MRPS30: variants seen among roughly 807,000 people sequenced by gnomAD.
MRPS30 encodes large ribosomal subunit protein mL65.
Under a neutral mutation model 43.8 loss-of-function variants are expected in MRPS30, and 42 were observed. That is an observed-to-expected ratio of 0.96 (90% confidence interval 0.75 to 1.24). The LOEUF (loss-of-function observed/expected upper bound fraction) is 1.24. MRPS30 is among the 50% of genes most tolerant of loss of function. The pLI is 0.00. For synonymous variants in MRPS30, 273 were observed against 228.2 expected, an observed-to-expected ratio of 1.20 and a Z score of -1.77; for missense variants, 638 against 570.0, an observed-to-expected ratio of 1.12 and a Z score of -1.22.
chr5:44,814,900 C>T lies in MRPS30; in HGVS notation c.1031-13C>T. 6.3e-7 allele frequency: 1 copy of T among 1,584,608 alleles called. No individual in the cohort carries two copies. The highest frequency in any genetic ancestry group is 8.6e-7 in the Non-Finnish European group (1 of 1,166,478). ...ATTCTATGTGTAAATTTCAGCATAA[C>T]TTTCTTCTACAGGATTCTGGAGTGA... On this transcript the variant is annotated splice_polypyrimidine_tract_variant and intron_variant, in intron 4 of 4. Transcript: ENST00000507110.
At chr5:44,809,770 C>G in intron 1 of MRPS30, 1 of 563,842 alleles carries the variant, frequency 1.8e-6, no homozygotes, top group Non-Finnish European at 3.1e-6. Context: ...GCGCTAACAC[C>G]TACCAGCTCT....
chr5:44,809,211 C>G lies in MRPS30; in HGVS notation c.249C>G (p.Leu83=). Residue 83 remains leucine, a synonymous_variant, in exon 1 of 5, where the codon CTC becomes CTG. Transcript: ENST00000507110. ...CGGTAGACGAGAAGCTGCGAATCCT[C>G]ACCAAGATGCAGTTTATGAAGTACA... The part of the protein sequence containing the change: ...AESVDEKLRI[L]TKMQFMKYMV... 1 of 1,613,510 alleles carries G rather than the reference C, an allele frequency of 6.2e-7. No homozygotes were observed.
In MRPS30 at chr5:44,809,331, G is replaced by C; in HGVS notation, c.369G>C (p.Ala123=). The C allele has an allele frequency of 1.2e-6, 2 of 1,610,940 alleles. No individual in the cohort carries two copies. The highest frequency in any genetic ancestry group is 1.7e-6 in the Non-Finnish European group (2 of 1,178,774). The change falls in exon 1 of 5, where the codon GCG becomes GCC. Residue 123 remains alanine (A), a synonymous_variant. Transcript: ENST00000507110. ...TGTCGGGTCTGCCGCCGCCCCCAGC[G>C]GAGCCCGAGCCCGAGCCCGAACCCG... ...VFLSGLPPPP[A]EPEPEPEPEP...
Position 44,809,116 on chromosome 5 carries a change from AC to A in MRPS30, c.155del (p.Thr52LysfsTer25). 1 of 1,611,762 alleles carries A rather than the reference AC, an allele frequency of 6.2e-7. No individual in the cohort carries two copies. Among genetic ancestry groups the A allele is most frequent in the Non-Finnish European group, 8.5e-7 (1 of 1,179,470 alleles). ...ARYPPIVASM[T>X]ADSKAARLRR... ...GTACCCGCCGATTGTGGCCTCCATG[AC>A]AGCCGACAGCAAAGCTGCACGGCTG... On this transcript the variant is annotated frameshift_variant, in exon 1 of 5. Transcript: ENST00000507110. LOFTEE classifies it high-confidence loss of function.
At chr5:44,812,840 T>G (rs1742864951) in intron 3 of MRPS30, among the ~76,000 whole-genome samples, 1 of 152,106 alleles carries the variant, frequency 6.6e-6, no homozygotes, top group Admixed American at 6.5e-5. Flanking sequence ...AAATTTTAAA[T>G]AACTTGTCTA....
At chr5:44,811,790 G>A (rs994035332) in intron 2 of MRPS30, 125 bp from the exon 3 acceptor site, 32 of 596,844 alleles carry the variant, frequency 5.4e-5, no homozygotes, top group Admixed American at 4.9e-4. Flanking sequence ...CCCATCATTC[G>A]ATGATAGTAT....
At position 44,811,444 on chromosome 5, in the gene MRPS30, C is replaced by T. The variant is rs1742838106; in HGVS notation, c.747+290C>T. On this transcript the variant is annotated intron_variant, in intron 2 of 4. Transcript: ENST00000507110. ...AATATAAAAATTCTGAAATAGTTTA[C>T]GATTGTAATTTGTGATTGTAATTTA... Among the ~76,000 whole-genome samples, 3 of 152,034 alleles carry T rather than the reference C, an allele frequency of 2.0e-5. No individual in the cohort carries two copies. In the South Asian group the frequency reaches 6.2e-4, roughly 31 times the overall value.
chr5:44,811,299 A>G (rs1742836557), intron 2 of MRPS30, 145 bp downstream of exon 2: 1 of 911,118 alleles, frequency 1.1e-6, no homozygotes, highest in Admixed American at 2.8e-5. Flanking sequence ...TCACCTCTCA[A>G]AAATCTTTTT....
chr5:44,813,981 C>T (rs1433912287), intron 4 of MRPS30, among the ~76,000 whole-genome samples: 3 of 152,102 alleles, frequency 2.0e-5, no homozygotes, highest in Non-Finnish European at 4.4e-5. Context: ...TACTCTAAGA[C>T]CTGAATGGCG....
In MRPS30 at chr5:44,809,399, C is replaced by T. The variant is rs376523824; in HGVS notation, c.437C>T (p.Ala146Val). The T allele has an allele frequency of 6.2e-6, 10 of 1,610,990 alleles. No homozygotes were observed. Among genetic ancestry groups the T allele is most frequent in the East Asian group, 2.2e-5 (1 of 44,796 alleles). Residue 146 changes from alanine (A) to valine (V), a missense_variant, in exon 1 of 5, where the codon GCC becomes GTC. Ala to Val is a moderately conservative substitution (Grantham distance 64). Transcript: ENST00000507110. ...GACCTCGCGGCGCTGCGTGCGGTCGCCTGCGACTGCCTGCTGCAGGAGCAC... is the reference window on the plus strand; with the variant it reads ...GACCTCGCGGCGCTGCGTGCGGTCGTCTGCGACTGCCTGCTGCAGGAGCAC... ...ALDLAALRAV[A>V]CDCLLQEHFY...
At position 44,811,040 on chromosome 5, in the gene MRPS30, G is replaced by T; in HGVS notation, c.633G>T (p.Val211=). 1 of 1,614,044 alleles carries T rather than the reference G, an allele frequency of 6.2e-7. No individual in the cohort carries two copies. The highest frequency in any genetic ancestry group is 8.5e-7 in the Non-Finnish European group (1 of 1,179,938). ...GATGCCCAGTTCATTTTTACTGGGT[G>T]CGTGGTGAAGAAATTATTCCTCGTG... is the stretch of plus-strand genomic sequence containing the variant. ...DYRCPVHFYW[V]RGEEIIPRGH... is the part of the protein sequence containing the mutation. Residue 211 remains valine, a synonymous_variant, in exon 2 of 5, where the codon GTG becomes GTT. Transcript: ENST00000507110.
chr5:44,811,738 G>A (rs1280895028), intron 2 of MRPS30, among the ~76,000 whole-genome samples, 177 bp from the exon 3 acceptor site: 1 of 152,174 alleles, frequency 6.6e-6, no homozygotes, highest in African/African-American at 2.4e-5. Flanking sequence ...CTGTGTTCCA[G>A]TAAAACTTTA....
chr5:44,813,240 G>T lies in MRPS30; in HGVS notation c.988G>T (p.Ala330Ser), dbSNP rs149383515. 3 of 1,609,972 alleles carry T rather than the reference G, an allele frequency of 1.9e-6. No homozygotes were observed. In the African/African-American group the frequency reaches 4.0e-5, roughly 22 times the overall value. Residue 330 changes from alanine (A) to serine (S), a missense_variant, in exon 4 of 5, where the codon GCA (alanine) becomes TCA (serine). By Grantham distance (99) the Ala-to-Ser change is moderately conservative. Coordinates refer to ENST00000507110, the MANE Select transcript of MRPS30 (RefSeq NM_016640.4). ...AGTTGTTTTTAGAGCTAATGCTATTGCAAGCCTTTTTGCTTGGACTGGAGC... is the reference window on the plus strand; with the variant it reads ...AGTTGTTTTTAGAGCTAATGCTATTTCAAGCCTTTTTGCTTGGACTGGAGC... ...IEVVFRANAI[A>S]SLFAWTGAQA...
chr5:44,808,993 C>T lies in MRPS30; in HGVS notation c.31C>T (p.Leu11=). ...GGCGGCCAGGTGTTGGAGGCCTTTG[C>T]TACGCGGTCCGAGGCTTTCATTGCA... MAAARCWRPL[L]RGPRLSLHTA... Residue 11 remains leucine (L), a synonymous_variant, in exon 1 of 5, where the codon CTA becomes TTA. Coordinates refer to ENST00000507110, the MANE Select transcript of MRPS30 (RefSeq NM_016640.4). 1.2e-6 allele frequency: 2 copies of T among 1,607,570 alleles called. No homozygotes were observed. The highest frequency in any genetic ancestry group is 1.7e-6 in the Non-Finnish European group (2 of 1,177,474).
chr5:44,811,034 C>T lies in MRPS30; in HGVS notation c.627C>T (p.Tyr209=), dbSNP rs763207493. The T allele has an allele frequency of 4.3e-6, 7 of 1,613,838 alleles. No individual in the cohort carries two copies. In the South Asian group the frequency reaches 4.4e-5, roughly 10 times the overall value. Residue 209 remains tyrosine, a synonymous_variant, in exon 2 of 5, where the codon TAC becomes TAT. Transcript: ENST00000507110. ...ALDYRCPVHF[Y]WVRGEEIIPR... Reference sequence around the variant, plus strand: ...ATTATAGATGCCCAGTTCATTTTTACTGGGTGCGTGGTGAAGAAATTATTC... The same window carrying T: ...ATTATAGATGCCCAGTTCATTTTTATTGGGTGCGTGGTGAAGAAATTATTC...
At position 44,809,459 on chromosome 5, in the gene MRPS30, AC is replaced by A; in HGVS notation, c.498del (p.Tyr166Ter). 1.9e-6 allele frequency: 3 copies of A among 1,613,894 alleles called. No homozygotes were observed. Among genetic ancestry groups the A allele is most frequent in the Non-Finnish European group, 2.5e-6 (3 of 1,179,998 alleles). On this transcript the variant is annotated frameshift_variant, in exon 1 of 5. Coordinates refer to ENST00000507110, the MANE Select transcript of MRPS30 (RefSeq NM_016640.4). LOFTEE classifies it high-confidence loss of function. ...CGGCGCAGGCGGCGCGTGCACCGTTACGAGGAGAGCGAGGTCATATCTTTGC... is the reference window on the plus strand; with the variant it reads ...CGGCGCAGGCGGCGCGTGCACCGTTAGAGGAGAGCGAGGTCATATCTTTGC... ...YLRRRRRVHRYEESEVISLPF... is the reference protein window; with the variant it reads ...YLRRRRRVHRXEESEVISLPF...
chr5:44,810,727 T>C (rs1184630226), intron 1 of MRPS30, among the ~76,000 whole-genome samples: 1 of 152,242 alleles, frequency 6.6e-6, no homozygotes, highest in East Asian at 1.9e-4. Context: ...ATAGCCCTAT[T>C]TTTATTTATG....
At position 44,809,204 on chromosome 5, in the gene MRPS30, G is replaced by A. The variant is rs1236217398; in HGVS notation, c.242G>A (p.Arg81Gln). 1.9e-6 allele frequency: 3 copies of A among 1,613,200 alleles called. No homozygotes were observed. Among genetic ancestry groups the A allele is most frequent in the Non-Finnish European group, 2.5e-6 (3 of 1,179,886 alleles). ...GCGGAGTCGGTAGACGAGAAGCTGC[G>A]AATCCTCACCAAGATGCAGTTTATG... ...HAAESVDEKL[R>Q]ILTKMQFMKY... The change falls in exon 1 of 5, where the codon CGA (arginine) becomes CAA (glutamine). Residue 81 changes from arginine to glutamine, a missense_variant. Coordinates refer to ENST00000507110, the MANE Select transcript of MRPS30 (RefSeq NM_016640.4).
intron 3 of MRPS30, among the ~76,000 whole-genome samples, chr5:44,812,642 A>G (rs1190191623): frequency 1.5e-5 from 2 of 132,620 alleles, no homozygotes; most frequent in Non-Finnish European, 3.3e-5. Flanking sequence ...AAATGTTGCT[A>G]CTTATTTTTT....
Sources: gnomAD v4.1 joint callset for allele counts (sites outside exome capture counted in the v4.1 genomes callset) on GRCh38, gnomAD v4.1.1 for gene constraint, MANE v1.5 for transcripts, NCBI Gene and HGNC (gene_info 2026-07-23, HGNC 2026-07-21) for gene names.